Variants in MACROD2 observed in about 807,000 individuals in gnomAD.
The protein encoded by MACROD2 is mono-ADP ribosylhydrolase 2.
Under a neutral mutation model 70.4 loss-of-function variants are expected in MACROD2, and 36 were observed. That is an observed-to-expected ratio of 0.51 (90% CI 0.39 to 0.68). The LOEUF is 0.68. Ranked by LOEUF, MACROD2 falls within the 30% of genes least tolerant of loss-of-function variation. The pLI, the probability that MACROD2 is intolerant of heterozygous loss-of-function variation, is 0.00. For missense variants in MACROD2, 496 were observed against 538.4 expected (o/e 0.92, Z 0.78); for synonymous variants, 172 against 178.8 (o/e 0.96, Z 0.30).
chr20:14,543,601 C>A (rs1263630717), intron 4 of MACROD2, among the ~76,000 whole-genome samples: 1 of 152,090 alleles, frequency 6.6e-6, no homozygotes, highest in Non-Finnish European at 1.5e-5. Flanking sequence ...TTCTATTTTA[C>A]AGTTATAAAT....
At chr20:14,193,282 C>T (rs2081402890) in intron 3 of MACROD2, among the ~76,000 whole-genome samples, 1 of 152,138 alleles carries the variant, frequency 6.6e-6, no homozygotes, top group African/African-American at 2.4e-5. Flanking sequence ...AGAAGTTACC[C>T]CAAAATATGT....
chr20:15,943,452 C>T (rs1041215610), intron 12 of MACROD2, among the ~76,000 whole-genome samples: 13 of 152,140 alleles, frequency 8.5e-5, no homozygotes, highest in Non-Finnish European at 1.6e-4. Context: ...CTGTCCTGTG[C>T]CCTGGATCTG....
chr20:14,606,562 A>G (rs1982817074), intron 4 of MACROD2, among the ~76,000 whole-genome samples: 1 of 152,188 alleles, frequency 6.6e-6, no homozygotes, highest in Admixed American at 6.6e-5. Flanking sequence ...TGCTTACAGC[A>G]ATATTAGAAA....
At chr20:14,781,016 A>C (rs561691239) in intron 5 of MACROD2, among the ~76,000 whole-genome samples, 3 of 152,176 alleles carry the variant, frequency 2.0e-5, no homozygotes, top group African/African-American at 7.2e-5. Context: ...TAGCATATCT[A>C]TCACTTCAAA....
At position 15,146,601 on chromosome 20, in the gene MACROD2, T is replaced by G. The variant is rs146496691; in HGVS notation, c.419-83339T>G. On this transcript the variant is annotated intron_variant, in intron 5 of 17. Transcript: ENST00000684519. ...CTCATATTTCGTTGACTGAGACATG[T>G]TGTGATCAAAGAATAGATTTCATCA... Among the ~76,000 whole-genome samples, 622 of 152,308 alleles carry G rather than the reference T, an allele frequency of 4.1e-3. 8 individuals are homozygous for G. The highest frequency in any genetic ancestry group is 0.032 in the Admixed American group (482 of 15,288).
intron 5 of MACROD2, among the ~76,000 whole-genome samples, chr20:15,092,571 C>G (rs1013998023): frequency 2.6e-5 from 4 of 151,338 alleles, no homozygotes; most frequent in African/African-American, 9.7e-5. Flanking sequence ...AAGTTAAGAT[C>G]TTAGACTTAC....
chr20:14,006,873 G>C (rs1195383984), intron 2 of MACROD2, among the ~76,000 whole-genome samples: 2 of 152,132 alleles, frequency 1.3e-5, no homozygotes, highest in African/African-American at 4.8e-5. Context: ...GTTAAATCCA[G>C]AGGTTTGTTC....
intron 5 of MACROD2, among the ~76,000 whole-genome samples, chr20:14,940,677 T>A (rs1568887878): frequency 6.6e-6 from 1 of 152,162 alleles, no homozygotes; most frequent in Non-Finnish European, 1.5e-5. Context: ...CTTGGTGCTG[T>A]TAATGTGATA....
intron 3 of MACROD2, among the ~76,000 whole-genome samples, chr20:14,431,462 A>G (rs1450530667): frequency 6.6e-6 from 1 of 152,200 alleles, no homozygotes; most frequent in African/African-American, 2.4e-5. Context: ...ATTTATTTGC[A>G]TACATATTTC....
intron 5 of MACROD2, among the ~76,000 whole-genome samples, chr20:14,930,036 C>T (rs1377760869): frequency 6.6e-6 from 1 of 151,902 alleles, no homozygotes; most frequent in Non-Finnish European, 1.5e-5. Context: ...GTGGCGGGAG[C>T]CTGTAGTCCC....
At chr20:14,673,013 C>T (rs1432325448) in intron 4 of MACROD2, among the ~76,000 whole-genome samples, 1 of 152,148 alleles carries the variant, frequency 6.6e-6, no homozygotes. Context: ...ATGCATCAAG[C>T]GGCTCCTTAT....
chr20:15,098,372 C>G (rs577131806), intron 5 of MACROD2, among the ~76,000 whole-genome samples: 1 of 152,254 alleles, frequency 6.6e-6, no homozygotes, highest in Non-Finnish European at 1.5e-5. Context: ...TGTAGCTGCT[C>G]TCCTCATAAC....
chr20:15,273,829 A>G (rs430221), intron 6 of MACROD2, among the ~76,000 whole-genome samples: 1 of 151,958 alleles, frequency 6.6e-6, no homozygotes, highest in Non-Finnish European at 1.5e-5. Context: ...TCTAATAACT[A>G]CAACTGTGGA....
rs2423875 is a variant in MACROD2 at position 14,961,694 on chromosome 20, G to C, written c.419-268246G>C. The stretch of plus-strand genomic sequence containing the variant: ...GGCCTCCCAAAGTGCAAGGATTACA[G>C]GTGTGAGTCACTGCGCCAGCCTAAG... On this transcript the variant is annotated intron_variant, in intron 5 of 17. Coordinates refer to ENST00000684519, the MANE Select transcript of MACROD2 (RefSeq NM_001351661.2). 1.8e-4 allele frequency among the ~76,000 whole-genome samples: 27 copies of C among 152,178 alleles called. No homozygotes were observed. The East Asian group carries it at 5.0e-3, about 28-fold the overall frequency.
intron 6 of MACROD2, among the ~76,000 whole-genome samples, chr20:15,374,802 T>C (rs2146267263): frequency 6.6e-6 from 1 of 152,356 alleles, no homozygotes; most frequent in East Asian, 1.9e-4. Context: ...GGCCAGGATG[T>C]TCATTAATCA....
chr20:15,923,618 C>T lies in MACROD2; in HGVS notation c.776-9658C>T, dbSNP rs116324690. ...CCATCTCCGCTGAACCAGAACCCAGCTATTTGTGTTTTAACAAGCCCTTCA... is the reference window on the plus strand; with the variant it reads ...CCATCTCCGCTGAACCAGAACCCAGTTATTTGTGTTTTAACAAGCCCTTCA... On this transcript the variant is annotated intron_variant, in intron 10 of 17. Transcript: ENST00000684519. 4.4e-3 allele frequency among the ~76,000 whole-genome samples: 663 copies of T among 152,274 alleles called. 5 individuals carry two copies. The highest frequency in any genetic ancestry group is 0.015 in the African/African-American group (617 of 41,530).
At chr20:14,499,007 G>T (rs1378275464) in intron 4 of MACROD2, among the ~76,000 whole-genome samples, 1 of 152,170 alleles carries the variant, frequency 6.6e-6, no homozygotes, top group East Asian at 1.9e-4. Flanking sequence ...AGTGTTGGGG[G>T]TTACCCCTCA....
intron 8 of MACROD2, among the ~76,000 whole-genome samples, chr20:15,604,667 G>A (rs1465983364): frequency 2.0e-5 from 3 of 152,134 alleles, no homozygotes; most frequent in Non-Finnish European, 4.4e-5. Context: ...TCTGAGGGAC[G>A]CAGATACATG....
At chr20:14,733,535 T>A (rs977687186) in intron 5 of MACROD2, among the ~76,000 whole-genome samples, 1 of 152,196 alleles carries the variant, frequency 6.6e-6, no homozygotes, top group Non-Finnish European at 1.5e-5. Flanking sequence ...AAATTGATAA[T>A]GTATCAGTAC....
Sources: gnomAD v4.1 joint callset for allele counts (sites outside exome capture counted in the v4.1 genomes callset) on GRCh38, gnomAD v4.1.1 for gene constraint, MANE v1.5 for transcripts, NCBI Gene and HGNC (gene_info 2026-07-23, HGNC 2026-07-21) for gene names.